Variants in PTPRC observed in about 807,000 individuals in gnomAD.
PTPRC encodes the protein receptor-type tyrosine-protein phosphatase C.
Under a neutral mutation model 155.9 loss-of-function variants are expected in PTPRC, and 44 were observed. That is an observed-to-expected ratio of 0.28 (90% CI 0.22 to 0.36). The LOEUF (loss-of-function observed/expected upper bound fraction) is 0.36. PTPRC is among the 10% of genes least tolerant of loss of function. PTPRC has a pLI of 1.00. For missense variants in PTPRC, 1,401 were observed against 1,564.6 expected (o/e 0.90, Z 1.76); for synonymous variants, 525 against 533.1 (o/e 0.98, Z 0.21).
At chr1:198,707,455 G>T (rs544940286) in intron 9 of PTPRC, among the ~76,000 whole-genome samples, 23 of 152,238 alleles carry the variant, frequency 1.5e-4, no homozygotes, top group Middle Eastern at 3.4e-3. Flanking sequence ...GAAAGAGGAG[G>T]GGGTGACAGG....
At chr1:198,700,964 C>G (rs1433789504) in intron 5 of PTPRC, among the ~76,000 whole-genome samples, 1 of 151,998 alleles carries the variant, frequency 6.6e-6, no homozygotes, top group East Asian at 1.9e-4. Flanking sequence ...GAGAACAGAT[C>G]AAGTGAGTGA....
chr1:198,665,578 T>C (rs937047086), intron 2 of PTPRC, among the ~76,000 whole-genome samples: 2 of 152,118 alleles, frequency 1.3e-5, no homozygotes, highest in Non-Finnish European at 2.9e-5. Flanking sequence ...GACTTCCACC[T>C]TGAGGTAACT....
intron 3 of PTPRC, chr1:198,693,901 C>T (rs577851768): frequency 4.2e-5 from 52 of 1,247,280 alleles, no homozygotes; most frequent in Admixed American, 6.9e-5. Context: ...ATCAAAATAG[C>T]GTGGTACTAT....
At chr1:198,639,183 A>G in intron 1 of PTPRC, 43 bp from the exon 2 acceptor site, 1 of 1,094,444 alleles carries the variant, frequency 9.1e-7, no homozygotes, top group South Asian at 1.2e-5. Context: ...TCGTTTTTAC[A>G]GAGAAAAACT....
At chr1:198,746,493 G>A (rs906883298) in intron 26 of PTPRC, among the ~76,000 whole-genome samples, 2 of 151,686 alleles carry the variant, frequency 1.3e-5, no homozygotes, top group East Asian at 3.9e-4. Context: ...TGAAGTGACT[G>A]TTGGGAGAAG....
At chr1:198,743,078 A>AAAAAAAAAAAAAG in intron 25 of PTPRC, among the ~76,000 whole-genome samples, 1 of 150,946 alleles carries the variant, frequency 6.6e-6, no homozygotes, top group Non-Finnish European at 1.5e-5. Context: ...AAAAAAAAAA[A>AAAAAAAAAAAAAG]AAAAAAAAAA....
chr1:198,751,828 A>G (rs1655398401), intron 29 of PTPRC, among the ~76,000 whole-genome samples: 1 of 152,078 alleles, frequency 6.6e-6, no homozygotes, highest in African/African-American at 2.4e-5. Flanking sequence ...CAAAAGATGC[A>G]GCCTCCTTCC....
At chr1:198,675,738 C>T (rs1043046235) in intron 2 of PTPRC, among the ~76,000 whole-genome samples, 1 of 152,142 alleles carries the variant, frequency 6.6e-6, no homozygotes, top group South Asian at 2.1e-4. Context: ...ATAAAGTCAA[C>T]TTTCCCTGGA....
intron 12 of PTPRC, among the ~76,000 whole-genome samples, chr1:198,716,325 A>G (rs1653583426): frequency 6.6e-6 from 1 of 152,250 alleles, no homozygotes; most frequent in African/African-American, 2.4e-5. Flanking sequence ...CTAAAAAAGA[A>G]TCATTCTGAA....
chr1:198,749,951 T>C (rs908297725), intron 28 of PTPRC, among the ~76,000 whole-genome samples: 1 of 151,850 alleles, frequency 6.6e-6, no homozygotes, highest in East Asian at 1.9e-4. Context: ...AATTATTAGG[T>C]GAGTCTGTGT....
intron 2 of PTPRC, among the ~76,000 whole-genome samples, chr1:198,665,221 G>A (rs1664219532): frequency 6.6e-6 from 1 of 150,930 alleles, no homozygotes; most frequent in South Asian, 2.1e-4. Context: ...TCCCGAGTAG[G>A]GGGGACTACA....
chr1:198,652,487 C>T lies in PTPRC; in HGVS notation c.73+13146C>T, dbSNP rs189233364. On this transcript the variant is annotated intron_variant, in intron 2 of 32. Coordinates refer to ENST00000442510, the MANE Select transcript of PTPRC (RefSeq NM_002838.5). ...ACCAGAGAGATATTTAAATACCTATCCAATAAAAGATAATAAAAGCCTAGC... is the reference window on the plus strand; with the variant it reads ...ACCAGAGAGATATTTAAATACCTATTCAATAAAAGATAATAAAAGCCTAGC... Among the ~76,000 whole-genome samples, 145 of 151,728 alleles carry T rather than the reference C, an allele frequency of 9.6e-4. 2 individuals are homozygous for T. The highest frequency in any genetic ancestry group is 1.5e-4 in the Non-Finnish European group (10 of 67,832).
chr1:198,714,765 C>A (rs976977754), intron 12 of PTPRC, among the ~76,000 whole-genome samples: 1 of 152,148 alleles, frequency 6.6e-6, no homozygotes, highest in Non-Finnish European at 1.5e-5. Flanking sequence ...ACTTTTCTCA[C>A]CATTTTAAAT....
chr1:198,675,403 C>A (rs993674068), intron 2 of PTPRC, among the ~76,000 whole-genome samples: 4 of 151,968 alleles, frequency 2.6e-5, no homozygotes, highest in African/African-American at 9.7e-5. Context: ...AGCTTTTATT[C>A]TTTTAAAAAG....
intron 2 of PTPRC, among the ~76,000 whole-genome samples, chr1:198,668,206 G>A (rs908942049): frequency 3.9e-5 from 6 of 152,072 alleles, no homozygotes; most frequent in African/African-American, 1.4e-4. Flanking sequence ...ATGGTGTGAT[G>A]TCTTTTTTTT....
chr1:198,661,014 T>G (rs1213333328), intron 2 of PTPRC, among the ~76,000 whole-genome samples: 1 of 149,882 alleles, frequency 6.7e-6, no homozygotes, highest in African/African-American at 2.5e-5. Context: ...TCAATGTATA[T>G]ATATCCCTCT....
chr1:198,692,332 G>A lies in PTPRC; in HGVS notation c.74-15G>A. ...ATTTGAAATTTTCTAAGAGATTTTT[G>A]TTTCTTCTTTGCAGGGCAAAGCCCA... On this transcript the variant is annotated splice_polypyrimidine_tract_variant and intron_variant, in intron 2 of 32. Transcript: ENST00000442510. The A allele has an allele frequency of 3.3e-6, 5 of 1,509,118 alleles. No individual in the cohort carries two copies. The highest frequency in any genetic ancestry group is 4.5e-6 in the Non-Finnish European group (5 of 1,121,540). The allele number at this position is 1,509,118 out of a possible 1,614,324, so 93.5% of individuals were successfully genotyped here. A position where few individuals can be genotyped will look rare whatever the true frequency, so the allele number is the denominator to read the frequency against.
intron 17 of PTPRC, among the ~76,000 whole-genome samples, chr1:198,729,837 G>A (rs972436026): frequency 2.0e-5 from 3 of 152,158 alleles, no homozygotes; most frequent in African/African-American, 7.2e-5. Context: ...AAAACTGTGT[G>A]CAAGGGCAGA....
At chr1:198,645,614 A>T (rs893694388) in intron 2 of PTPRC, among the ~76,000 whole-genome samples, 4 of 151,694 alleles carry the variant, frequency 2.6e-5, no homozygotes, top group African/African-American at 9.7e-5. Context: ...TGAGAAGTAA[A>T]TTTTTTCATG....
Sources: gnomAD v4.1 joint callset for allele counts (sites outside exome capture counted in the v4.1 genomes callset) on GRCh38, gnomAD v4.1.1 for gene constraint, MANE v1.5 for transcripts, NCBI Gene and HGNC (gene_info 2026-07-23, HGNC 2026-07-21) for gene names.